TPTE: variants seen among roughly 807,000 people sequenced by gnomAD.
TPTE encodes the protein putative tyrosine-protein phosphatase TPTE.
A neutral mutation model predicts 84.1 loss-of-function variants in TPTE; 59 were observed. The observed-to-expected ratio is 0.70, with a 90% CI of 0.57 to 0.87. The LOEUF is 0.87. Among genes scored for constraint, TPTE ranks in the 40% least tolerant of loss-of-function variants. The pLI is 0.00. For missense variants in TPTE, 382 were observed against 659.6 expected, an observed-to-expected ratio of 0.58 and a Z score of 4.61; for synonymous variants, 130 against 223.5, an observed-to-expected ratio of 0.58 and a Z score of 3.73.
intron 3 of TPTE, among the ~76,000 whole-genome samples, chr21:10,537,859 T>A (rs1168333061): frequency 6.6e-6 from 1 of 152,426 alleles, no homozygotes; most frequent in African/African-American, 2.4e-5. Context: ...AAGTTCCCAT[T>A]CAAGGGCATT....
chr21:10,530,466 TGTTA>T (rs2074158081), intron 3 of TPTE, among the ~76,000 whole-genome samples: 1 of 152,312 alleles, frequency 6.6e-6, no homozygotes, highest in Admixed American at 6.5e-5. Context: ...TATCTCATTT[TGTTA>T]GTTTTTTGCA....
intron 14 of TPTE, chr21:10,576,534 G>A (rs2075154177): frequency 6.5e-6 from 1 of 153,678 alleles, no homozygotes; most frequent in African/African-American, 2.4e-5. Flanking sequence ...TGCAGATTCA[G>A]AGTGTTCATC....
chr21:10,550,017 G>A (rs1481284892), intron 7 of TPTE, among the ~76,000 whole-genome samples: 1 of 152,300 alleles, frequency 6.6e-6, no homozygotes, highest in African/African-American at 2.4e-5. Flanking sequence ...TACATTCGAA[G>A]TTCTGAAAGA....
chr21:10,605,473 T>C lies in TPTE; in HGVS notation c.1577T>C (p.Ile526Thr), dbSNP rs758400092. 4 of 1,614,112 alleles carry C rather than the reference T, an allele frequency of 2.5e-6. No individual in the cohort carries two copies. In the Admixed American group the frequency reaches 5.0e-5, roughly 20 times the overall value. ...DNLHKQKARR[I>T]YPSDFAVEIL... ...CTACATAAACAAAAAGCACGGAGAA[T>C]TTATCCATCAGATTTTGCCGTGGAG... The change falls in exon 24 of 24, where the codon ATT (isoleucine) becomes ACT (threonine). Residue 526 changes from isoleucine (I) to threonine (T), a missense_variant. Physicochemically the swap from Ile to Thr is moderately conservative, Grantham distance 89. Transcript: ENST00000618007.
At chr21:10,533,943 C>G (rs539754642) in intron 3 of TPTE, among the ~76,000 whole-genome samples, 1 of 152,430 alleles carries the variant, frequency 6.6e-6, no homozygotes, top group East Asian at 1.9e-4. Flanking sequence ...AAGTGAGGTC[C>G]AGAAACAGCT....
chr21:10,601,500 C>CA (rs568600238), intron 21 of TPTE, among the ~76,000 whole-genome samples: 1,081 of 147,800 alleles, frequency 7.3e-3, no homozygotes, highest in South Asian at 0.04. Flanking sequence ...CTGTCTCAAA[C>CA]AAAAAAAAAA....
chr21:10,549,210 C>T (rs1174279305), intron 7 of TPTE, among the ~76,000 whole-genome samples: 12 of 152,418 alleles, frequency 7.9e-5, no homozygotes, highest in Admixed American at 7.8e-4. Flanking sequence ...CATCCAAGAC[C>T]CATTCATACA....
intron 9 of TPTE, among the ~76,000 whole-genome samples, chr21:10,560,700 C>T (rs185602724): frequency 1.9e-3 from 285 of 152,298 alleles, no homozygotes; most frequent in Admixed American, 0.016. Context: ...TTATGAAATT[C>T]GCAAATTTTA....
At chr21:10,558,076 AC>A (rs2074718050) in intron 8 of TPTE, among the ~76,000 whole-genome samples, 1 of 152,312 alleles carries the variant, frequency 6.6e-6, no homozygotes, top group Non-Finnish European at 1.5e-5. Context: ...CCCACAAAAT[AC>A]ATGATCTCAT....
In TPTE at chr21:10,583,889, A is replaced by T. The variant is rs12626762; in HGVS notation, c.1027+5284A>T. 3.1e-3 allele frequency among the ~76,000 whole-genome samples: 465 copies of T among 150,846 alleles called. No individual in the cohort carries two copies. In the East Asian group the frequency reaches 0.048, roughly 16 times the overall value. Reference sequence around the variant, plus strand: ...ATTGATTTTTCATCTGTGTGCCAATAGCACAACTATCTTACTGTAGCTTTC... The same window carrying T: ...ATTGATTTTTCATCTGTGTGCCAATTGCACAACTATCTTACTGTAGCTTTC... On this transcript the variant is annotated intron_variant, in intron 17 of 23. Coordinates refer to ENST00000618007, the MANE Select transcript of TPTE (RefSeq NM_199261.4).
rs2074434872 is a variant in TPTE, at chr21:10,544,766, G to C, written c.173+1384G>C. ...CCATGATTGGTGAAGAGTTACTGGAGGTATTTGAACATGAGAAGGCAGAAA... is the reference window on the plus strand; with the variant it reads ...CCATGATTGGTGAAGAGTTACTGGACGTATTTGAACATGAGAAGGCAGAAA... On this transcript the variant is annotated intron_variant, in intron 7 of 23. Transcript: ENST00000618007. Among the ~76,000 whole-genome samples, 3 of 152,424 alleles carry C rather than the reference G, an allele frequency of 2.0e-5. No homozygotes were observed. The South Asian group carries it at 6.2e-4, about 32-fold the overall frequency.
At chr21:10,529,058 C>T (rs1415315331) in intron 3 of TPTE, among the ~76,000 whole-genome samples, 29 of 152,282 alleles carry the variant, frequency 1.9e-4, no homozygotes, top group African/African-American at 6.5e-4. Context: ...GTGGTGCATG[C>T]CTGCAGTCCC....
At position 10,544,475 on chromosome 21, in the gene TPTE, C is replaced by G. The variant is rs1600875396; in HGVS notation, c.173+1093C>G. ...TCTCGGCTCACTGTAACCTCCATCT[C>G]CCGGGTTCAAGTGATTTTCCTGCCT... On this transcript the variant is annotated intron_variant, in intron 7 of 23. Coordinates refer to ENST00000618007, the MANE Select transcript of TPTE (RefSeq NM_199261.4). Among the ~76,000 whole-genome samples, 6 of 152,412 alleles carry G rather than the reference C, an allele frequency of 3.9e-5. No individual in the cohort carries two copies. The South Asian group carries it at 1.0e-3, about 26-fold the overall frequency.
At chr21:10,554,998 A>C (rs1264817631) in intron 8 of TPTE, among the ~76,000 whole-genome samples, 5 of 152,304 alleles carry the variant, frequency 3.3e-5, no homozygotes, top group Non-Finnish European at 7.3e-5. Context: ...GAGTCTGCAC[A>C]AGAGAAAAAT....
chr21:10,529,137 C>T (rs1186059712), intron 3 of TPTE, among the ~76,000 whole-genome samples: 10 of 149,738 alleles, frequency 6.7e-5, no homozygotes, highest in Non-Finnish European at 1.2e-4. Context: ...TGAGCTGAGA[C>T]AGCACTGCTG....
chr21:10,571,874 G>C (rs1332444977), intron 14 of TPTE, among the ~76,000 whole-genome samples: 1 of 152,308 alleles, frequency 6.6e-6, no homozygotes, highest in African/African-American at 2.4e-5. Flanking sequence ...GTTTGGTGGT[G>C]CATGCCTGCC....
chr21:10,569,898 A>T (rs78824509), intron 13 of TPTE, 152 bp downstream of exon 13: 39,279 of 1,506,492 alleles, frequency 0.026, 1 homozygote, highest in Middle Eastern at 0.04. Flanking sequence ...TTTGTGGTTT[A>T]GCCCTGGCAA....
intron 14 of TPTE, among the ~76,000 whole-genome samples, chr21:10,574,004 G>A (rs1186352633): frequency 2.0e-5 from 3 of 152,306 alleles, no homozygotes; most frequent in Non-Finnish European, 4.4e-5. Flanking sequence ...CTTGATGGAA[G>A]GAATTATAAA....
chr21:10,599,828 TTGG>T (rs374728126), intron 21 of TPTE, among the ~76,000 whole-genome samples: 3,077 of 145,686 alleles, frequency 0.021, no homozygotes, highest in East Asian at 0.11. Flanking sequence ...AGTTAGTTAG[TTGG>T]TTCTTTCTTT....
Sources: gnomAD v4.1 joint callset for allele counts (sites outside exome capture counted in the v4.1 genomes callset) on GRCh38, gnomAD v4.1.1 for gene constraint, MANE v1.5 for transcripts, NCBI Gene and HGNC (gene_info 2026-07-23, HGNC 2026-07-21) for gene names.